Variants in KIAA0040 observed in about 807,000 individuals in gnomAD.
The protein encoded by KIAA0040 is KIAA0040.
In KIAA0040, 10 loss-of-function variants were observed where a neutral mutation model predicts 7.2. The ratio of observed to expected loss-of-function variants is 1.38; its 90% CI spans 0.85 to 2.34. KIAA0040 has a LOEUF of 2.34. Among genes scored for constraint, KIAA0040 ranks in the 30% most tolerant of loss-of-function variants. The pLI, the probability that KIAA0040 is intolerant of heterozygous loss-of-function variation, is 0.00. For synonymous variants in KIAA0040, 49 were observed against 40.1 expected (o/e 1.22, Z -0.84); for missense variants, 89 against 108.2 (o/e 0.82, Z 0.79).
At chr1:175,188,156 A>G (rs976173705) in intron 1 of KIAA0040, among the ~76,000 whole-genome samples, 22 of 152,174 alleles carry the variant, frequency 1.4e-4, no homozygotes, top group Admixed American at 5.2e-4. Context: ...TCGTGGGAGC[A>G]AGTCTCTTCC....
At chr1:175,169,073 A>G (rs1223642578) in intron 2 of KIAA0040, among the ~76,000 whole-genome samples, 1 of 152,208 alleles carries the variant, frequency 6.6e-6, no homozygotes, top group Non-Finnish European at 1.5e-5. Context: ...AGTTAGAATA[A>G]ACTTTTGTTG....
intron 2 of KIAA0040, among the ~76,000 whole-genome samples, chr1:175,177,065 A>G (rs1677230603): frequency 6.6e-6 from 1 of 151,928 alleles, no homozygotes; most frequent in Non-Finnish European, 1.5e-5. Flanking sequence ...TTTGTGGGAG[A>G]CCCTCTGGAA....
intron 1 of KIAA0040, among the ~76,000 whole-genome samples, chr1:175,188,989 G>T (rs916570895): frequency 6.6e-6 from 1 of 152,144 alleles, no homozygotes; most frequent in African/African-American, 2.4e-5. Context: ...TTGGATTCTG[G>T]TCCCTCCATT....
At chr1:175,192,866 C>T (rs1677932685), upstream of KIAA0040, 1 of 151,212 alleles carries the variant, frequency 6.6e-6, no homozygotes, top group East Asian at 2.0e-4. Flanking sequence ...GTACCTGCCG[C>T]TGCCGCCGAG....
chr1:175,161,031 G>A lies in KIAA0040; in HGVS notation c.-18C>T, dbSNP rs1474325919. The stretch of plus-strand genomic sequence containing the variant: ...CTCTCCATGGTGCTTGGCTAGATTA[G>A]GGCCAGAGAACCCTCTCGGCTTACA... On this transcript the variant is annotated 5_prime_UTR_variant, in exon 4 of 4. Coordinates refer to ENST00000423313, the MANE Select transcript of KIAA0040 (RefSeq NM_014656.3). 1 of 1,539,458 alleles carries A rather than the reference G, an allele frequency of 6.5e-7. No individual in the cohort carries two copies. The highest frequency in any genetic ancestry group is 1.4e-5 in the African/African-American group (1 of 72,604).
At position 175,160,422 on chromosome 1, in the gene KIAA0040, T is replaced by G. The variant is rs1357455003; in HGVS notation, c.*292A>C. The G allele has an allele frequency of 2.6e-6, 1 of 388,798 alleles. No homozygotes were observed. Among genetic ancestry groups the G allele is most frequent in the East Asian group, 4.9e-5 (1 of 20,562 alleles). 24.1% of individuals were successfully genotyped at this position (388,798 alleles called of 1,614,324 possible). ...CATATTGAGATGTATGGATAAATGTTCTTTGTGCTTTGCATGTGGGGTATG... is the reference window on the plus strand; with the variant it reads ...CATATTGAGATGTATGGATAAATGTGCTTTGTGCTTTGCATGTGGGGTATG... On this transcript the variant is annotated 3_prime_UTR_variant, in exon 4 of 4. Transcript: ENST00000423313.
chr1:175,170,174 T>C (rs1041777791), intron 2 of KIAA0040, among the ~76,000 whole-genome samples: 1 of 152,082 alleles, frequency 6.6e-6, no homozygotes, highest in African/African-American at 2.4e-5. Flanking sequence ...GGCTCTGAAG[T>C]GGGAAAGCGC....
At position 175,182,855 on chromosome 1, in the gene KIAA0040, C is replaced by T. The variant is rs546477748; in HGVS notation, c.-383-5171G>A. On this transcript the variant is annotated intron_variant, in intron 1 of 3. Transcript: ENST00000423313. ...CCTGGCACAGAGCACATCTTCAGTG[C>T]ATGTTGGCTTCACCTGTCAGGCACC... 2.5e-3 allele frequency among the ~76,000 whole-genome samples: 374 copies of T among 152,326 alleles called. 1 individual carries two copies. Among genetic ancestry groups the T allele is most frequent in the Non-Finnish European group, 4.1e-3 (277 of 68,036 alleles).
In KIAA0040 at chr1:175,176,669, C is replaced by CTTTTTTTTTTTTTTTTTTTTTTTTTTT. The variant is rs34859478; in HGVS notation, c.-310+915_-310+941dup. Reference sequence around the variant, plus strand: ...ATCCAGTGTCAGGTTAAGTAGCATGCTTTTTTTTTTTTTTTTTTTTTTTTT... The same window carrying CTTTTTTTTTTTTTTTTTTTTTTTTTTT: ...ATCCAGTGTCAGGTTAAGTAGCATGCTTTTTTTTTTTTTTTTTTTTTTTTTTTTTTTTTTTTTTTTTTTTTTTTTTTT... On this transcript the variant is annotated intron_variant, in intron 2 of 3. Coordinates refer to ENST00000423313, the MANE Select transcript of KIAA0040 (RefSeq NM_014656.3). 2.9e-4 allele frequency among the ~76,000 whole-genome samples: 8 copies of CTTTTTTTTTTTTTTTTTTTTTTTTTTT among 27,466 alleles called. 4 individuals carry two copies. The highest frequency in any genetic ancestry group is 4.9e-4 in the Non-Finnish European group (6 of 12,254). The allele number at this position is 27,466 out of a possible 152,430, so 18.0% of individuals were successfully genotyped here. A position where few individuals can be genotyped will look rare whatever the true frequency, so the allele number is the denominator to read the frequency against.
intron 1 of KIAA0040, among the ~76,000 whole-genome samples, chr1:175,180,411 T>C (rs1353581612): frequency 6.6e-6 from 1 of 152,218 alleles, no homozygotes; most frequent in Non-Finnish European, 1.5e-5. Context: ...TAAAAGATCA[T>C]GTGCCAATTC....
At chr1:175,188,765 T>A (rs896997176) in intron 1 of KIAA0040, among the ~76,000 whole-genome samples, 2 of 152,152 alleles carry the variant, frequency 1.3e-5, no homozygotes, top group African/African-American at 2.4e-5. Flanking sequence ...GGTATGGAGG[T>A]TGCCTTAAAA....
chr1:175,170,306 C>T (rs923778570), intron 2 of KIAA0040, among the ~76,000 whole-genome samples: 15 of 152,114 alleles, frequency 9.9e-5, no homozygotes, highest in African/African-American at 3.4e-4. Flanking sequence ...CAGAAAGGTG[C>T]CTTCCCCTTT....
intron 2 of KIAA0040, among the ~76,000 whole-genome samples, chr1:175,175,964 T>G (rs1399249060): frequency 6.6e-6 from 1 of 152,230 alleles, no homozygotes; most frequent in Non-Finnish European, 1.5e-5. Context: ...ACATGGCACA[T>G]GTATACATAT....
chr1:175,186,046 G>A (rs901684776), intron 1 of KIAA0040, among the ~76,000 whole-genome samples: 1 of 152,202 alleles, frequency 6.6e-6, no homozygotes, highest in African/African-American at 2.4e-5. Flanking sequence ...GGAACAAGAA[G>A]AAGAAATTGC....
At chr1:175,182,045 G>A (rs943292035) in intron 1 of KIAA0040, among the ~76,000 whole-genome samples, 1 of 152,320 alleles carries the variant, frequency 6.6e-6, no homozygotes, top group South Asian at 2.1e-4. Flanking sequence ...CCCTGATGGG[G>A]ATTTTTCAAG....
chr1:175,172,821 G>T (rs947740101), intron 2 of KIAA0040, among the ~76,000 whole-genome samples: 13 of 152,206 alleles, frequency 8.5e-5, no homozygotes, highest in African/African-American at 2.9e-4. Flanking sequence ...GCATCGCTGG[G>T]CAGAGTAAAT....
At chr1:175,187,094 C>T (rs533672838) in intron 1 of KIAA0040, among the ~76,000 whole-genome samples, 1 of 152,318 alleles carries the variant, frequency 6.6e-6, no homozygotes, top group South Asian at 2.1e-4. Context: ...TAAGCTAAGT[C>T]TGCAGGACTG....
intron 3 of KIAA0040, among the ~76,000 whole-genome samples, chr1:175,163,457 C>G (rs967343423): frequency 1.3e-5 from 2 of 152,228 alleles, no homozygotes; most frequent in African/African-American, 4.8e-5. Context: ...AGGCTCTGCT[C>G]AAGCCCCTCT....
rs543337493 is a variant in KIAA0040 at position 175,166,560 on chromosome 1, A to G, written c.-134+2T>C. ...GGTGAGGAGACGGGGGATGAAGTTTACCTCCACACACAGCAGCAAAATGGC... is the reference window on the plus strand; with the variant it reads ...GGTGAGGAGACGGGGGATGAAGTTTGCCTCCACACACAGCAGCAAAATGGC... On this transcript the variant is annotated splice_donor_variant, in intron 3 of 3. Coordinates refer to ENST00000423313, the MANE Select transcript of KIAA0040 (RefSeq NM_014656.3). LOFTEE classifies it low-confidence loss of function (5UTR_SPLICE). 6.6e-5 allele frequency: 10 copies of G among 152,184 alleles called. No individual in the cohort carries two copies. Among genetic ancestry groups the G allele is most frequent in the African/African-American group, 2.2e-4 (9 of 41,522 alleles). 9.4% of individuals were successfully genotyped at this position (152,184 alleles called of 1,614,324 possible). A position where few individuals can be genotyped will look rare whatever the true frequency, so the allele number is the denominator to read the frequency against.
Sources: gnomAD v4.1 joint callset for allele counts (sites outside exome capture counted in the v4.1 genomes callset) on GRCh38, gnomAD v4.1.1 for gene constraint, MANE v1.5 for transcripts, NCBI Gene and HGNC (gene_info 2026-07-23, HGNC 2026-07-21) for gene names.